Variants in ZC3H14 observed in about 807,000 individuals in gnomAD.
ZC3H14 encodes zinc finger CCCH-type containing 14.
In ZC3H14, 31 loss-of-function variants were observed where a neutral mutation model predicts 92.4. The ratio of observed to expected loss-of-function variants is 0.34; its 90% CI spans 0.25 to 0.45. ZC3H14 has a LOEUF of 0.45. Ranked by LOEUF, ZC3H14 falls within the 20% of genes least tolerant of loss-of-function variation. The pLI is 1.00. For missense variants in ZC3H14, 781 were observed against 897.3 expected (o/e 0.87, Z 1.66); for synonymous variants, 321 against 300.9 (o/e 1.07, Z -0.69).
intron 9 of ZC3H14, among the ~76,000 whole-genome samples, chr14:88,595,838 G>A (rs145017080): frequency 1.3e-5 from 2 of 152,254 alleles, no homozygotes; most frequent in African/African-American, 4.8e-5. Context: ...CAGCATGTGG[G>A]CATCTTAGTA....
chr14:88,600,440 TC>T (rs1001628357), intron 10 of ZC3H14, among the ~76,000 whole-genome samples: 1 of 144,334 alleles, frequency 6.9e-6, no homozygotes, highest in African/African-American at 2.6e-5. Context: ...ATTTCTTTTC[TC>T]TTTTTTTTTT....
In ZC3H14 at chr14:88,618,277, G is replaced by A. The variant is rs2088089611; in HGVS notation, c.*6526G>A. On this transcript the variant is annotated 3_prime_UTR_variant, in exon 17 of 17. Coordinates refer to ENST00000251038, the MANE Select transcript of ZC3H14 (RefSeq NM_024824.5). ...CTGTCAATAGCGGCATGATCCATAA[G>A]ATGTTTTCCTGAAGGCACTTCATAG... 5 of 1,613,790 alleles carry A rather than the reference G, an allele frequency of 3.1e-6. No individual in the cohort carries two copies. The highest frequency in any genetic ancestry group is 4.2e-6 in the Non-Finnish European group (5 of 1,179,854).
chr14:88,602,146 C>A, intron 11 of ZC3H14, 63 bp downstream of exon 11: 2 of 1,606,124 alleles, frequency 1.2e-6, no homozygotes, highest in South Asian at 1.1e-5. Context: ...GTTAACCATT[C>A]GTTTGCAGCT....
At chr14:88,594,666 A>T (rs563076684) in intron 9 of ZC3H14, 1 of 1,611,608 alleles carries the variant, frequency 6.2e-7, no homozygotes, top group South Asian at 1.1e-5. Flanking sequence ...GTGAAGAAAA[A>T]ATTATCAGAT....
chr14:88,595,101 C>G (rs750593941), intron 9 of ZC3H14: 4 of 1,610,308 alleles, frequency 2.5e-6, no homozygotes, highest in Non-Finnish European at 3.4e-6. Flanking sequence ...TCCTTAGAAA[C>G]GTTGAGAAAG....
Position 88,607,324 on chromosome 14 carries a change from G to A in ZC3H14, c.1829G>A (p.Gly610Glu). 1 of 1,613,740 alleles carries A rather than the reference G, an allele frequency of 6.2e-7. No homozygotes were observed. The highest frequency in any genetic ancestry group is 8.5e-7 in the Non-Finnish European group (1 of 1,179,872). Residue 610 changes from glycine (G) to glutamate (E), a missense_variant, in exon 13 of 17, where the codon GGG (glycine) becomes GAG (glutamate). Coordinates refer to ENST00000251038, the MANE Select transcript of ZC3H14 (RefSeq NM_024824.5). ...AAGTACTGGCCTGCTTGTAAAAATG[G>A]GGATGAGTGTGCCTACCATCACCCC... is the stretch of plus-strand genomic sequence containing the variant. ...RCKYWPACKN[G>E]DECAYHHPIS...
chr14:88,610,778 G>A (rs1042983783), intron 15 of ZC3H14, 56 bp from the exon 16 acceptor site: 51 of 1,519,138 alleles, frequency 3.4e-5, no homozygotes, highest in South Asian at 3.1e-4. Context: ...ATAAAATAAT[G>A]TGTTTACTTA....
intron 13 of ZC3H14, 91 bp downstream of exon 13, chr14:88,607,454 A>T (rs1192520680): frequency 6.9e-7 from 1 of 1,455,300 alleles, no homozygotes; most frequent in African/African-American, 1.6e-5. Flanking sequence ...CCTGGCAAGT[A>T]CCATCCCATC....
At chr14:88,563,243 G>T in intron 1 of ZC3H14, 74 bp downstream of exon 1, 1 of 1,555,112 alleles carries the variant, frequency 6.4e-7, no homozygotes. Flanking sequence ...AACGGGGACT[G>T]TGGGCCCGGG....
intron 12 of ZC3H14, 50 bp downstream of exon 12, chr14:88,603,110 T>C: frequency 1.3e-6 from 2 of 1,550,686 alleles, no homozygotes; most frequent in Non-Finnish European, 1.8e-6. Flanking sequence ...GAAGGGAATC[T>C]TTGACTTGTT....
chr14:88,565,745 T>C (rs1327452768), intron 2 of ZC3H14, among the ~76,000 whole-genome samples: 1 of 152,156 alleles, frequency 6.6e-6, no homozygotes, highest in East Asian at 1.9e-4. Flanking sequence ...CTGAAAAGAC[T>C]ATCAGAATAC....
rs199892462 is a variant in ZC3H14, at chr14:88,572,713, G to T, written c.567G>T (p.Val189=). ...TCATTGACGAAGACCTCAACTTTGT[G>T]CAGGAGAATCCCTTATCTCAGAAAA... ...DDLIDEDLNF[V]QENPLSQKKP... Residue 189 remains valine, a synonymous_variant, in exon 6 of 17, where the codon GTG becomes GTT. Transcript: ENST00000251038. 3.7e-6 allele frequency: 6 copies of T among 1,614,218 alleles called. No homozygotes were observed. The Admixed American group carries it at 1.0e-4, about 27-fold the overall frequency.
chr14:88,596,002 A>G (rs1288446207), intron 9 of ZC3H14, among the ~76,000 whole-genome samples: 1 of 152,228 alleles, frequency 6.6e-6, no homozygotes, highest in Non-Finnish European at 1.5e-5. Context: ...CTTAACATCA[A>G]ATCGAGGATG....
In ZC3H14 at chr14:88,613,507, T is replaced by G. The variant is rs968406311; in HGVS notation, c.*1756T>G. The G allele has an allele frequency of 2.0e-5, 3 of 152,184 alleles. No individual in the cohort carries two copies. The highest frequency in any genetic ancestry group is 2.9e-5 in the Non-Finnish European group (2 of 68,024). The allele number at this position is 152,184 out of a possible 1,614,324, so 9.4% of individuals were successfully genotyped here. On this transcript the variant is annotated 3_prime_UTR_variant, in exon 17 of 17. Coordinates refer to ENST00000251038, the MANE Select transcript of ZC3H14 (RefSeq NM_024824.5). ...AAGGAAATAATAAAATACTAAAATC[T>G]GATTGTTTTTTGCTATTTAATAGCC...
At chr14:88,579,200 T>TA (rs2081575386) in intron 9 of ZC3H14, among the ~76,000 whole-genome samples, 1 of 152,210 alleles carries the variant, frequency 6.6e-6, no homozygotes, top group African/African-American at 2.4e-5. Context: ...CATGAAACCT[T>TA]ATGATTTCAG....
Position 88,572,641 on chromosome 14 carries a change from A to G in ZC3H14, c.495A>G (p.Pro165=), listed in dbSNP as rs779474665. 54 of 1,614,214 alleles carry G rather than the reference A, an allele frequency of 3.3e-5. No individual in the cohort carries two copies. The highest frequency in any genetic ancestry group is 4.5e-5 in the Non-Finnish European group (53 of 1,180,046). ...CAACAGTGAAACCTTTGAGGGAGCC[A>G]GCACCCTCTGAAGATGTGATTGATA... ...LMSTVKPLRE[P]APSEDVIDIK... Residue 165 remains proline, a synonymous_variant, in exon 6 of 17, where the codon CCA becomes CCG. Coordinates refer to ENST00000251038, the MANE Select transcript of ZC3H14 (RefSeq NM_024824.5).
chr14:88,580,120 G>GGAGGCTA (rs1566921035), intron 9 of ZC3H14, among the ~76,000 whole-genome samples: 5 of 151,672 alleles, frequency 3.3e-5, no homozygotes, highest in Non-Finnish European at 5.9e-5. Context: ...GCTGGAGCCC[G>GGAGGCTA]GGAGGCTGAG....
Position 88,571,138 on chromosome 14 carries a change from C to CATTTT in ZC3H14, c.235+14_235+15insATTTT. On this transcript the variant is annotated intron_variant, in intron 4 of 16. Transcript: ENST00000251038. ...CTGTTACAACTGGTAAGATTCATAACTTTTTTTTTTAATTTCTGCTTGCTA... is the reference window on the plus strand; with the variant it reads ...CTGTTACAACTGGTAAGATTCATAACATTTTTTTTTTTTTTAATTTCTGCTTGCTA... 3 of 1,460,582 alleles carry CATTTT rather than the reference C, an allele frequency of 2.1e-6. No individual in the cohort carries two copies. The highest frequency in any genetic ancestry group is 1.8e-5 in the Admixed American group (1 of 55,052). The allele number at this position is 1,460,582 out of a possible 1,614,324, so 90.5% of individuals were successfully genotyped here. A position where few individuals can be genotyped will look rare whatever the true frequency, so the allele number is the denominator to read the frequency against.
At chr14:88,563,415 C>G (rs1349381136) in intron 1 of ZC3H14, 4 of 1,429,440 alleles carry the variant, frequency 2.8e-6, no homozygotes, top group Non-Finnish European at 3.6e-6. Context: ...GCTGGAGCCA[C>G]CACCGCGGCG....
Sources: gnomAD v4.1 joint callset for allele counts (sites outside exome capture counted in the v4.1 genomes callset) on GRCh38, gnomAD v4.1.1 for gene constraint, MANE v1.5 for transcripts, NCBI Gene and HGNC (gene_info 2026-07-23, HGNC 2026-07-21) for gene names.